Variants in CDH18 observed in about 807,000 individuals in gnomAD.
The protein encoded by CDH18 is cadherin 18.
CDH18 carries 31 observed loss-of-function variants against 67.9 expected under a neutral mutation model. The observed-to-expected ratio is 0.46, with a 90% CI of 0.34 to 0.62. The LOEUF (loss-of-function observed/expected upper bound fraction) is 0.62, where lower values mean the gene tolerates loss of function less well. Ranked by LOEUF, CDH18 falls within the 20% of genes least tolerant of loss-of-function variation. The pLI, the probability that CDH18 is intolerant of heterozygous loss-of-function variation, is 0.01. For missense variants in CDH18, 890 were observed against 975.5 expected (o/e 0.91, Z 1.17); for synonymous variants, 362 against 347.2 (o/e 1.04, Z -0.48).
intron 8 of CDH18, among the ~76,000 whole-genome samples, chr5:19,555,943 AC>A (rs1430550566): frequency 1.3e-5 from 2 of 152,182 alleles, no homozygotes; most frequent in African/African-American, 4.8e-5. Context: ...GGGTTACATG[AC>A]AGGACTTTTT....
At chr5:19,875,421 T>C (rs1242092385) in intron 2 of CDH18, among the ~76,000 whole-genome samples, 1 of 149,730 alleles carries the variant, frequency 6.7e-6, no homozygotes, top group African/African-American at 2.5e-5. Context: ...GATAGATAGA[T>C]AGATAGATAG....
At chr5:19,616,074 A>G (rs1749783647) in intron 5 of CDH18, among the ~76,000 whole-genome samples, 1 of 152,172 alleles carries the variant, frequency 6.6e-6, no homozygotes, top group South Asian at 2.1e-4. Flanking sequence ...GGATTGTATA[A>G]TGAATTTATC....
rs1482811110 is a variant in CDH18 at position 20,479,666 on chromosome 5, ATTATTGGCC to A, written c.-580+95787_-580+95795del. 4.6e-5 allele frequency among the ~76,000 whole-genome samples: 7 copies of A among 152,256 alleles called. No homozygotes were observed. The East Asian group carries it at 7.7e-4, about 17-fold the overall frequency. On this transcript the variant is annotated intron_variant, in intron 1 of 14. Coordinates refer to the CDH18 transcript ENST00000507958. Reference sequence around the variant, plus strand: ...AAATCTAGGAGTTATTGGCCTTAAAATTATTGGCCTTATTGGCCTGATGAGGTAGAGAGA... The same window carrying A: ...AAATCTAGGAGTTATTGGCCTTAAAATTATTGGCCTGATGAGGTAGAGAGA...
At chr5:20,016,705 A>G (rs936998121) in intron 2 of CDH18, among the ~76,000 whole-genome samples, 1 of 152,104 alleles carries the variant, frequency 6.6e-6, no homozygotes, top group Non-Finnish European at 1.5e-5. Flanking sequence ...GCAGTATCTA[A>G]CCTTTGTTCT....
intron 1 of CDH18, among the ~76,000 whole-genome samples, chr5:20,415,656 C>T (rs1414211096): frequency 2.0e-5 from 3 of 151,768 alleles, no homozygotes; most frequent in Non-Finnish European, 2.9e-5. Context: ...ACCTGCAGTC[C>T]CAGCTACTCG....
At chr5:20,274,642 CAA>C in intron 1 of CDH18, among the ~76,000 whole-genome samples, 1 of 151,606 alleles carries the variant, frequency 6.6e-6, no homozygotes, top group Non-Finnish European at 1.5e-5. Flanking sequence ...TCTTAAAAAA[CAA>C]AAAAAGTGTA....
At chr5:20,220,766 C>A (rs1049412541) in intron 2 of CDH18, among the ~76,000 whole-genome samples, 1 of 151,602 alleles carries the variant, frequency 6.6e-6, no homozygotes, top group African/African-American at 2.4e-5. Flanking sequence ...AGGAGCCAGG[C>A]AACTCTATAG....
chr5:19,879,183 T>C (rs1289282144), intron 2 of CDH18, among the ~76,000 whole-genome samples: 1 of 152,004 alleles, frequency 6.6e-6, no homozygotes, highest in African/African-American at 2.4e-5. Flanking sequence ...TCAATTTTTT[T>C]AAAAAAGCAA....
chr5:20,526,737 G>A (rs1200174477), intron 1 of CDH18, among the ~76,000 whole-genome samples: 1 of 151,998 alleles, frequency 6.6e-6, no homozygotes, highest in Non-Finnish European at 1.5e-5. Context: ...ATGACCCCAC[G>A]AAAATGCCAT....
chr5:20,152,391 T>C (rs931699701), intron 2 of CDH18, among the ~76,000 whole-genome samples: 7 of 151,388 alleles, frequency 4.6e-5, no homozygotes, highest in African/African-American at 7.3e-5. Context: ...TTGTCTGTTA[T>C]ATTGCACATT....
At chr5:19,916,198 T>G (rs1231469426) in intron 2 of CDH18, among the ~76,000 whole-genome samples, 1 of 152,176 alleles carries the variant, frequency 6.6e-6, no homozygotes, top group Non-Finnish European at 1.5e-5. Context: ...CCACACGTCC[T>G]TTATGCCAGC....
chr5:20,108,161 A>G (rs1429431673), intron 2 of CDH18, among the ~76,000 whole-genome samples: 1 of 151,778 alleles, frequency 6.6e-6, no homozygotes, highest in Non-Finnish European at 1.5e-5. Flanking sequence ...GCTCACTGCA[A>G]CCTCCGCCTC....
intron 1 of CDH18, among the ~76,000 whole-genome samples, chr5:20,404,597 AT>A (rs1467398298): frequency 3.9e-5 from 6 of 152,104 alleles, no homozygotes; most frequent in Non-Finnish European, 8.8e-5. Context: ...CACACACAGG[AT>A]TTATTGATAG....
At chr5:19,559,671 G>A (rs1259166102) in intron 8 of CDH18, among the ~76,000 whole-genome samples, 3 of 151,934 alleles carry the variant, frequency 2.0e-5, no homozygotes, top group Non-Finnish European at 4.4e-5. Flanking sequence ...GCAGTCAAAC[G>A]AGAGAAAGAA....
rs528033917 is a variant in CDH18, at chr5:20,313,254, C to A, written c.-579-57749G>T. ...CTATTATATTTGTTGCTTCACTGAA[C>A]AAAAACCTTTTATTCTTAAATGAGA... On this transcript the variant is annotated intron_variant, in intron 1 of 14. Transcript: ENST00000507958. Among the ~76,000 whole-genome samples, 132 of 151,964 alleles carry A rather than the reference C, an allele frequency of 8.7e-4. 1 individual carries two copies. Among genetic ancestry groups the A allele is most frequent in the Non-Finnish European group, 1.3e-3 (91 of 67,916 alleles).
At chr5:20,483,324 G>C (rs1056297848) in intron 1 of CDH18, among the ~76,000 whole-genome samples, 3 of 152,002 alleles carry the variant, frequency 2.0e-5, no homozygotes, top group Non-Finnish European at 4.4e-5. Flanking sequence ...AATCAATGTT[G>C]TTAAAATTTC....
intron 5 of CDH18, among the ~76,000 whole-genome samples, chr5:19,655,317 A>G (rs1408580477): frequency 6.6e-6 from 1 of 152,108 alleles, no homozygotes; most frequent in Non-Finnish European, 1.5e-5. Flanking sequence ...ATTTGAAATC[A>G]TCTTTTAATA....
At chr5:19,703,728 C>T (rs939309416) in intron 5 of CDH18, among the ~76,000 whole-genome samples, 2 of 151,598 alleles carry the variant, frequency 1.3e-5, no homozygotes, top group Admixed American at 6.6e-5. Context: ...CCTGCCCCCC[C>T]TGCCCCCCGC....
chr5:19,709,639 A>C (rs1210729253), intron 5 of CDH18, among the ~76,000 whole-genome samples: 1 of 151,672 alleles, frequency 6.6e-6, no homozygotes, highest in Non-Finnish European at 1.5e-5. Context: ...AGAAAGAGAG[A>C]GAGAAAAAGG....
Sources: gnomAD v4.1 joint callset for allele counts (sites outside exome capture counted in the v4.1 genomes callset) on GRCh38, gnomAD v4.1.1 for gene constraint, MANE v1.5 for transcripts, NCBI Gene and HGNC (gene_info 2026-07-23, HGNC 2026-07-21) for gene names.